The following LRRTM4 variants were observed in gnomAD, a reference collection of about 807,000 sequenced individuals.
LRRTM4 encodes the protein leucine rich repeat transmembrane neuronal 4, also known as leucine-rich repeat transmembrane neuronal protein 4.
In LRRTM4, 25 loss-of-function variants were observed where a neutral mutation model predicts 47.6. The ratio of observed to expected loss-of-function variants is 0.53; its 90% CI spans 0.38 to 0.73. The LOEUF is 0.73. Ranked by LOEUF, LRRTM4 falls within the 30% of genes least tolerant of loss-of-function variation. The pLI is 0.00. For missense variants in LRRTM4, 638 were observed against 713.4 expected, an observed-to-expected ratio of 0.89 and a Z score of 1.20; for synonymous variants, 311 against 269.5, an observed-to-expected ratio of 1.15 and a Z score of -1.51.
chr2:76,885,666 C>A (rs558650320), intron 3 of LRRTM4, among the ~76,000 whole-genome samples: 1 of 151,870 alleles, frequency 6.6e-6, no homozygotes. Flanking sequence ...GGGGTTTCAC[C>A]GTGTTAGCAA....
chr2:77,236,386 G>A (rs938941504), intron 3 of LRRTM4, among the ~76,000 whole-genome samples: 1 of 151,900 alleles, frequency 6.6e-6, no homozygotes, highest in African/African-American at 2.4e-5. Flanking sequence ...CATCAGTGAA[G>A]TTGTTACATT....
chr2:76,993,616 T>C (rs1312875562), intron 3 of LRRTM4, among the ~76,000 whole-genome samples: 2 of 151,900 alleles, frequency 1.3e-5, no homozygotes, highest in Admixed American at 6.6e-5. Context: ...CAAATGTTGA[T>C]GAGTCTACAG....
chr2:76,795,380 CAATT>C (rs1004031963), intron 3 of LRRTM4, among the ~76,000 whole-genome samples: 22 of 151,954 alleles, frequency 1.4e-4, no homozygotes, highest in Admixed American at 3.3e-4. Flanking sequence ...TTATATAAGA[CAATT>C]AACAAAAAGT....
intron 3 of LRRTM4, among the ~76,000 whole-genome samples, chr2:76,845,600 C>T (rs1265555026): frequency 6.6e-6 from 1 of 152,094 alleles, no homozygotes; most frequent in Non-Finnish European, 1.5e-5. Context: ...GAGGGGAGCA[C>T]TGAGAACACT....
At chr2:77,415,142 T>A (rs74902246) in intron 3 of LRRTM4, among the ~76,000 whole-genome samples, 8,841 of 152,290 alleles carry the variant, frequency 0.058, 334 homozygotes, top group Non-Finnish European at 0.087. Flanking sequence ...TAAGAAGACA[T>A]AAGTTTGCTC....
intron 3 of LRRTM4, among the ~76,000 whole-genome samples, chr2:77,128,097 C>T (rs562032978): frequency 5.3e-5 from 8 of 151,298 alleles, no homozygotes; most frequent in South Asian, 2.1e-4. Context: ...GAGCCAAGAT[C>T]GCGCCACTGC....
intron 3 of LRRTM4, among the ~76,000 whole-genome samples, chr2:77,027,838 A>G (rs1277005161): frequency 2.6e-5 from 4 of 152,142 alleles, no homozygotes; most frequent in African/African-American, 9.7e-5. Context: ...TTAACATATT[A>G]TATATTCAAT....
At chr2:76,949,449 G>C (rs1675430010) in intron 3 of LRRTM4, among the ~76,000 whole-genome samples, 1 of 151,854 alleles carries the variant, frequency 6.6e-6, no homozygotes. Flanking sequence ...ATGGAATAAA[G>C]TACCCCAAGG....
chr2:76,754,516 GTCAA>G (rs1435665405), intron 3 of LRRTM4, among the ~76,000 whole-genome samples: 1 of 152,130 alleles, frequency 6.6e-6, no homozygotes, highest in African/African-American at 2.4e-5. Flanking sequence ...TCAGGGTCCT[GTCAA>G]TCAAACATGC....
chr2:76,857,432 T>G (rs1672187156), intron 3 of LRRTM4, among the ~76,000 whole-genome samples: 1 of 151,670 alleles, frequency 6.6e-6, no homozygotes, highest in South Asian at 2.1e-4. Context: ...ACTGATTATG[T>G]TATCAGTAAG....
intron 3 of LRRTM4, among the ~76,000 whole-genome samples, chr2:77,259,325 TTA>T (rs1675855991): frequency 6.6e-6 from 1 of 152,074 alleles, no homozygotes; most frequent in South Asian, 2.1e-4. Context: ...TTAAAAAGTG[TTA>T]TGAGTGTCAA....
chr2:77,086,359 A>T (rs1680712740), intron 3 of LRRTM4, among the ~76,000 whole-genome samples: 1 of 151,312 alleles, frequency 6.6e-6, no homozygotes, highest in African/African-American at 2.4e-5. Context: ...TCACCAACAT[A>T]ATTTGTTGTG....
At chr2:77,162,386 C>T (rs1458971816) in intron 3 of LRRTM4, among the ~76,000 whole-genome samples, 1 of 152,186 alleles carries the variant, frequency 6.6e-6, no homozygotes, top group Non-Finnish European at 1.5e-5. Flanking sequence ...GTAGACTCCA[C>T]CTCTGGGGGC....
intron 3 of LRRTM4, among the ~76,000 whole-genome samples, chr2:76,858,675 C>T (rs185918429): frequency 1.3e-4 from 20 of 152,298 alleles, no homozygotes; most frequent in African/African-American, 3.6e-4. Flanking sequence ...ACTATGAAAA[C>T]TGCTCTGTAA....
At chr2:76,942,283 C>A (rs993039462) in intron 3 of LRRTM4, among the ~76,000 whole-genome samples, 19 of 151,980 alleles carry the variant, frequency 1.3e-4, no homozygotes, top group African/African-American at 4.6e-4. Flanking sequence ...ATGATAGTTT[C>A]TTTTGCTGTG....
chr2:77,103,289 A>G (rs1671005470), intron 3 of LRRTM4, among the ~76,000 whole-genome samples: 1 of 152,174 alleles, frequency 6.6e-6, no homozygotes. Context: ...TAAAAGAAAC[A>G]TTTTGGCCTC....
intron 3 of LRRTM4, among the ~76,000 whole-genome samples, chr2:77,075,914 CAAAAA>C (rs61718845): frequency 9.5e-4 from 35 of 36,852 alleles, no homozygotes; most frequent in Admixed American, 2.8e-3. Flanking sequence ...GACTCCGTCT[CAAAAA>C]AAAAAAAAAA....
chr2:77,130,598 G>C (rs1198583195), intron 3 of LRRTM4, among the ~76,000 whole-genome samples: 1 of 151,124 alleles, frequency 6.6e-6, no homozygotes, highest in Non-Finnish European at 1.5e-5. Context: ...TGCAAGCTCC[G>C]CCTCCCGGGT....
chr2:77,205,457 G>C (rs1246139633), intron 3 of LRRTM4, among the ~76,000 whole-genome samples: 1 of 152,118 alleles, frequency 6.6e-6, no homozygotes, highest in African/African-American at 2.4e-5. Context: ...AGAAGAGCTG[G>C]CACTACTAAG....
Sources: gnomAD v4.1 joint callset for allele counts (sites outside exome capture counted in the v4.1 genomes callset) on GRCh38, gnomAD v4.1.1 for gene constraint, MANE v1.5 for transcripts, NCBI Gene and HGNC (gene_info 2026-07-23, HGNC 2026-07-21) for gene names.